The following TUT4 variants were observed in gnomAD, a reference collection of about 807,000 sequenced individuals.
TUT4 encodes terminal uridylyltransferase 4.
TUT4 carries 36 observed loss-of-function variants against 192.2 expected under a neutral mutation model. That is an observed-to-expected ratio of 0.19 (90% confidence interval 0.14 to 0.25). The LOEUF (loss-of-function observed/expected upper bound fraction) is 0.25, where lower values mean the gene tolerates loss of function less well. Among genes scored for constraint, TUT4 ranks in the 10% least tolerant of loss-of-function variants. The pLI, the probability that TUT4 is intolerant of heterozygous loss-of-function variation, is 1.00. For missense variants in TUT4, 1,493 were observed against 1,957.2 expected (o/e 0.76, Z 4.47); for synonymous variants, 618 against 666.0 (o/e 0.93, Z 1.11).
intron 11 of TUT4, among the ~76,000 whole-genome samples, chr1:52,481,202 T>C (rs767546596): frequency 6.6e-6 from 1 of 152,200 alleles, no homozygotes; most frequent in Non-Finnish European, 1.5e-5. Context: ...TATCTTGACA[T>C]GATTCAAACA....
chr1:52,518,279 A>G (rs906514847), intron 2 of TUT4, among the ~76,000 whole-genome samples: 5 of 152,226 alleles, frequency 3.3e-5, no homozygotes, highest in Non-Finnish European at 7.3e-5. Flanking sequence ...TCAGGCTGCC[A>G]CAACAAAATA....
intron 13 of TUT4, among the ~76,000 whole-genome samples, chr1:52,472,925 T>A (rs557597019): frequency 6.6e-6 from 1 of 152,272 alleles, no homozygotes; most frequent in East Asian, 1.9e-4. Context: ...ACAAATTATA[T>A]AAGGAAATCT....
chr1:52,472,232 A>C, intron 13 of TUT4, 130 bp from the exon 14 acceptor site: 1 of 917,632 alleles, frequency 1.1e-6, no homozygotes, highest in East Asian at 2.9e-5. Context: ...GGTAATTAAA[A>C]AAAAAAACAT....
At chr1:52,521,619 C>T (rs938687239) in intron 2 of TUT4, among the ~76,000 whole-genome samples, 1 of 151,840 alleles carries the variant, frequency 6.6e-6, no homozygotes. Context: ...GAGCTGTGAT[C>T]GCGCCACTGC....
rs748207233 is a variant in TUT4 at position 52,425,486 on chromosome 1, G to A, written c.4733C>T (p.Thr1578Ile). 10 of 1,613,176 alleles carry A rather than the reference G, an allele frequency of 6.2e-6. No individual in the cohort carries two copies. Among genetic ancestry groups the A allele is most frequent in the Non-Finnish European group, 8.5e-6 (10 of 1,179,662 alleles). The change falls in exon 29 of 30, where the codon ACT becomes ATT. Residue 1578 changes from threonine (T) to isoleucine (I), a missense_variant. By Grantham distance (89) the Thr-to-Ile change is moderately conservative. Around this residue, in one of 7 missense-constraint regions of TUT4, gnomAD observed 351 missense variants for 397.8 expected, o/e 0.88. Transcript: ENST00000257177. ...TGCATGTTCCCAAGGAATTGGAGGA[G>A]TCAGTCCTCGAAAGCCTGGCTCTGC... ...GNSEPGFRGL[T>I]PPIPWEHAPR...
chr1:52,465,446 C>T (rs1226066294), intron 15 of TUT4, among the ~76,000 whole-genome samples: 1 of 152,176 alleles, frequency 6.6e-6, no homozygotes, highest in African/African-American at 2.4e-5. Flanking sequence ...AAATCTATTA[C>T]TATTTCTATT....
chr1:52,464,891 A>C, intron 16 of TUT4, 179 bp downstream of exon 16: 1 of 431,534 alleles, frequency 2.3e-6, no homozygotes, highest in Non-Finnish European at 4.0e-6. Flanking sequence ...ACTTTTACTT[A>C]AGAGTTCAAT....
chr1:52,500,053 T>C (rs1274372950), intron 4 of TUT4, among the ~76,000 whole-genome samples: 3 of 147,662 alleles, frequency 2.0e-5, no homozygotes, highest in African/African-American at 7.5e-5. Context: ...ACCAGGGAGG[T>C]GGAGGTTGCA....
intron 20 of TUT4, among the ~76,000 whole-genome samples, chr1:52,457,669 CCCT>C (rs1661365344): frequency 6.6e-6 from 1 of 152,168 alleles, no homozygotes; most frequent in Non-Finnish European, 1.5e-5. Context: ...ATTGGATCCT[CCCT>C]AACGCCTACA....
At chr1:52,527,437 T>A (rs1207171953) in intron 1 of TUT4, among the ~76,000 whole-genome samples, 3 of 151,928 alleles carry the variant, frequency 2.0e-5, no homozygotes, top group Non-Finnish European at 4.4e-5. Context: ...TCCCAGCTAC[T>A]CGGGAGGCTG....
At chr1:52,455,708 G>A (rs563240892) in intron 20 of TUT4, among the ~76,000 whole-genome samples, 1 of 150,684 alleles carries the variant, frequency 6.6e-6, no homozygotes, top group East Asian at 2.0e-4. Flanking sequence ...TGGACAGACA[G>A]ACAGATGATT....
At chr1:52,541,208 TAAA>T (rs548079594) in intron 1 of TUT4, among the ~76,000 whole-genome samples, 5 of 84,590 alleles carry the variant, frequency 5.9e-5, no homozygotes, top group Admixed American at 1.2e-4. Flanking sequence ...GACTCTGTCT[TAAA>T]AAAAAAAAAA....
In TUT4 at chr1:52,431,383, A is replaced by G. The variant is rs774350257; in HGVS notation, c.4341T>C (p.Pro1447=). ...NSSQSAAITQ[P]SSQPGSQPKL... ...TAGGTTGGGATCCTGGCTGAGATGA[A>G]GGCTGAGTAATAGCAGCTGACTGGG... The change falls in exon 28 of 30, where the codon CCT becomes CCC. Residue 1447 remains proline (P), a synonymous_variant. Coordinates refer to ENST00000257177, the MANE Select transcript of TUT4 (RefSeq NM_001009881.3). 1 of 1,614,154 alleles carries G rather than the reference A, an allele frequency of 6.2e-7. No individual in the cohort carries two copies. The highest frequency in any genetic ancestry group is 8.5e-7 in the Non-Finnish European group (1 of 1,180,016).
intron 11 of TUT4, among the ~76,000 whole-genome samples, chr1:52,479,997 GAAAAAAAA>G (rs375149209): frequency 4.5e-5 from 3 of 67,206 alleles, no homozygotes; most frequent in East Asian, 4.8e-4. Flanking sequence ...TCCGTCTCAG[GAAAAAAAA>G]AAAAAAAAAA....
At chr1:52,498,979 T>G in intron 4 of TUT4, among the ~76,000 whole-genome samples, 2 of 119,916 alleles carry the variant, frequency 1.7e-5, no homozygotes, top group African/African-American at 6.4e-5. Flanking sequence ...CACAGAAATA[T>G]AAAGATCAAT....
At chr1:52,509,840 T>G in intron 3 of TUT4, 128 bp from the exon 4 acceptor site, 1 of 695,922 alleles carries the variant, frequency 1.4e-6, no homozygotes, top group Non-Finnish European at 2.6e-6. Context: ...TCTTTATCCT[T>G]TCCTTCTTCT....
intron 1 of TUT4, among the ~76,000 whole-genome samples, chr1:52,548,302 T>G (rs962008964): frequency 2.0e-5 from 3 of 152,178 alleles, no homozygotes; most frequent in Non-Finnish European, 2.9e-5. Flanking sequence ...TTTAATTTAA[T>G]AATTATATTA....
chr1:52,435,240 CATATATACAAAGCACT>C (rs1404558770), intron 27 of TUT4, 109 bp downstream of exon 27: 2 of 650,318 alleles, frequency 3.1e-6, no homozygotes, highest in African/African-American at 3.7e-5. Flanking sequence ...CTAGCAAGGA[CATATATACAAAGCACT>C]GTGTAATCTG....
In TUT4 at chr1:52,431,267, G is replaced by T. The variant is rs1355762422; in HGVS notation, c.4457C>A (p.Ser1486Tyr). The T allele has an allele frequency of 6.2e-7, 1 of 1,614,198 alleles. No homozygotes were observed. The highest frequency in any genetic ancestry group is 1.1e-5 in the South Asian group (1 of 91,088). The change falls in exon 28 of 30, where the codon TCT becomes TAT. Residue 1486 changes from serine (S) to tyrosine (Y), a missense_variant. Ser to Tyr is a moderately radical substitution (Grantham distance 144). Around this residue, in one of 7 missense-constraint regions of TUT4, gnomAD observed 351 missense variants for 397.8 expected, o/e 0.88. Coordinates refer to ENST00000257177, the MANE Select transcript of TUT4 (RefSeq NM_001009881.3). The part of the protein sequence containing the change: ...NFPQSPPAQY[S>Y]PMHNMGLLPM... Reference sequence around the variant, plus strand: ...CAACAATCCCATATTGTGCATGGGAGAATACTGAGCTGGTGGTGACTGGGG... The same window carrying T: ...CAACAATCCCATATTGTGCATGGGATAATACTGAGCTGGTGGTGACTGGGG...
Sources: allele counts gnomAD v4.1 joint callset (sites outside exome capture counted in the v4.1 genomes callset), GRCh38; gene constraint gnomAD v4.1.1; regional missense constraint gnomAD v4.1.1; transcripts MANE v1.5; gene names NCBI Gene and HGNC (gene_info 2026-07-23, HGNC 2026-07-21).